Variants in CENPW observed in about 807,000 individuals in gnomAD.
CENPW encodes cancer-up-regulated gene 2 protein.
In CENPW, 3 loss-of-function variants were observed where a neutral mutation model predicts 11.1. The observed-to-expected ratio is 0.27, with a 90% CI of 0.12 to 0.70. The LOEUF is 0.70. Among genes scored for constraint, CENPW ranks in the 30% least tolerant of loss-of-function variants. CENPW has a pLI of 0.77. For missense variants in CENPW, 100 were observed against 105.6 expected (o/e 0.95, Z 0.23); for synonymous variants, 38 against 42.0 (o/e 0.91, Z 0.37).
the CENPW span, among the ~76,000 whole-genome samples, chr6:126,469,407 C>T: frequency 6.6e-6 from 1 of 152,216 alleles, no homozygotes; most frequent in Non-Finnish European, 1.5e-5. Flanking sequence ...ACATGCAGAA[C>T]TATGAGTCAG....
chr6:126,480,012 T>C, the CENPW span, among the ~76,000 whole-genome samples: 1 of 152,014 alleles, frequency 6.6e-6, no homozygotes, highest in Non-Finnish European at 1.5e-5. Context: ...CCACCATGCA[T>C]GGAGGACATG....
the CENPW span, among the ~76,000 whole-genome samples, chr6:126,355,739 C>T: frequency 7.2e-5 from 11 of 152,166 alleles, no homozygotes; most frequent in South Asian, 4.1e-4. Flanking sequence ...AGAGTACTTG[C>T]GCTGTCTTAA....
chr6:126,466,137 C>T, the CENPW span, among the ~76,000 whole-genome samples: 23 of 151,842 alleles, frequency 1.5e-4, no homozygotes, highest in African/African-American at 4.8e-4. Flanking sequence ...AAATTTATAG[C>T]CCAAAGAATA....
the CENPW span, among the ~76,000 whole-genome samples, chr6:126,425,323 T>C: frequency 6.6e-6 from 1 of 152,126 alleles, no homozygotes; most frequent in Non-Finnish European, 1.5e-5. Context: ...TTTCCTTCTG[T>C]AGTGAAATCA....
chr6:126,385,059 A>T, the CENPW span, among the ~76,000 whole-genome samples: 1 of 152,132 alleles, frequency 6.6e-6, no homozygotes, highest in South Asian at 2.1e-4. Flanking sequence ...CCACCATAAG[A>T]TACTGTCTCA....
At chr6:126,457,013 G>T in the CENPW span, among the ~76,000 whole-genome samples, 2 of 151,478 alleles carry the variant, frequency 1.3e-5, no homozygotes, top group Non-Finnish European at 3.0e-5. Context: ...ACACCAGTCA[G>T]AATGGCTGCT....
the CENPW span, among the ~76,000 whole-genome samples, chr6:126,437,868 G>T: frequency 6.6e-6 from 1 of 151,702 alleles, no homozygotes; most frequent in South Asian, 2.1e-4. Flanking sequence ...ATAGTAGAAG[G>T]TTAGCTTTAG....
the CENPW span, among the ~76,000 whole-genome samples, chr6:126,465,936 A>G: frequency 1.3e-5 from 2 of 152,148 alleles, no homozygotes; most frequent in Non-Finnish European, 2.9e-5. Context: ...TCTGAAAATC[A>G]ATCATACACC....
the CENPW span, among the ~76,000 whole-genome samples, chr6:126,469,994 T>C: frequency 2.0e-5 from 3 of 152,058 alleles, no homozygotes; most frequent in African/African-American, 7.2e-5. Flanking sequence ...GTTTAGAAAA[T>C]TTGCAGCCTG....
chr6:126,437,008 G>C, the CENPW span, among the ~76,000 whole-genome samples: 1 of 151,602 alleles, frequency 6.6e-6, no homozygotes, highest in Non-Finnish European at 1.5e-5. Flanking sequence ...GTCTATAATG[G>C]GCATTGAAGC....
At chr6:126,376,984 C>A in the CENPW span, among the ~76,000 whole-genome samples, 1 of 152,104 alleles carries the variant, frequency 6.6e-6, no homozygotes, top group African/African-American at 2.4e-5. Flanking sequence ...AGGTGATATT[C>A]AACTTTTCCA....
At chr6:126,440,291 A>C in the CENPW span, among the ~76,000 whole-genome samples, 1 of 151,604 alleles carries the variant, frequency 6.6e-6, no homozygotes, top group South Asian at 2.1e-4. Flanking sequence ...CTCTAAAAGT[A>C]GCCATAAGCA....
chr6:126,370,502 A>G, the CENPW span, among the ~76,000 whole-genome samples: 4 of 152,080 alleles, frequency 2.6e-5, no homozygotes, highest in African/African-American at 9.6e-5. Flanking sequence ...ATTCCTAAGT[A>G]TTTTATTTTT....
chr6:126,384,597 C>T, the CENPW span, among the ~76,000 whole-genome samples: 1 of 152,068 alleles, frequency 6.6e-6, no homozygotes, highest in East Asian at 1.9e-4. Flanking sequence ...AACTGGACCC[C>T]TTTGTTACAC....
the CENPW span, among the ~76,000 whole-genome samples, chr6:126,406,767 G>T: frequency 2.6e-5 from 4 of 151,802 alleles, no homozygotes; most frequent in African/African-American, 9.7e-5. Flanking sequence ...CAGGATAATT[G>T]CTTGAACCCG....
chr6:126,405,599 A>C, the CENPW span, among the ~76,000 whole-genome samples: 2 of 152,062 alleles, frequency 1.3e-5, no homozygotes, highest in African/African-American at 4.8e-5. Flanking sequence ...TTGGTAGTAC[A>C]GTTATTAGAA....
chr6:126,415,813 A>C, the CENPW span, among the ~76,000 whole-genome samples: 2 of 152,184 alleles, frequency 1.3e-5, no homozygotes, highest in South Asian at 4.1e-4. Context: ...AGCCATGTAG[A>C]ACTGTCGGTC....
the CENPW span, among the ~76,000 whole-genome samples, chr6:126,442,043 G>A: frequency 6.6e-6 from 1 of 151,534 alleles, no homozygotes; most frequent in Non-Finnish European, 1.5e-5. Context: ...TTTCCACAGT[G>A]GTTGTACCAG....
At chr6:126,374,897 A>C in the CENPW span, among the ~76,000 whole-genome samples, 3 of 152,240 alleles carry the variant, frequency 2.0e-5, no homozygotes, top group Non-Finnish European at 4.4e-5. Context: ...ACCTATGCTC[A>C]TCTTACATAC....
Sources: gnomAD v4.1 joint callset for allele counts (sites outside exome capture counted in the v4.1 genomes callset) on GRCh38, gnomAD v4.1.1 for gene constraint, MANE v1.5 for transcripts, NCBI Gene and HGNC (gene_info 2026-07-23, HGNC 2026-07-21) for gene names.